DACH2: variants seen among roughly 807,000 people sequenced by gnomAD.
DACH2 encodes the protein dachshund family transcription factor 2, also known as dachshund homolog 2.
In DACH2, 17 loss-of-function variants were observed where a neutral mutation model predicts 35.8. The observed-to-expected ratio is 0.48, with a 90% CI of 0.33 to 0.71. The LOEUF (loss-of-function observed/expected upper bound fraction) is 0.71, where lower values mean the gene tolerates loss of function less well. Ranked by LOEUF, DACH2 falls within the 30% of genes least tolerant of loss-of-function variation. The pLI is 0.02. For missense variants in DACH2, 469 were observed against 472.7 expected, an observed-to-expected ratio of 0.99 and a Z score of 0.07; for synonymous variants, 195 against 177.3, an observed-to-expected ratio of 1.10 and a Z score of -0.79.
intron 3 of DACH2, among the ~76,000 whole-genome samples, chrX:86,553,540 T>A (rs2039078183): frequency 8.9e-6 from 1 of 111,826 alleles, no homozygotes; most frequent in African/African-American, 3.3e-5. Flanking sequence ...CAAGTTCACC[T>A]CTTGTCAACT....
chrX:86,543,983 A>G (rs1042618719), intron 3 of DACH2, among the ~76,000 whole-genome samples: 1 of 109,657 alleles, frequency 9.1e-6, no homozygotes, highest in Non-Finnish European at 1.9e-5. Context: ...CTTAAAGTAT[A>G]ATAATAATAA....
intron 2 of DACH2, among the ~76,000 whole-genome samples, chrX:86,388,638 T>TA (rs2036156086): frequency 8.9e-6 from 1 of 111,938 alleles, no homozygotes; most frequent in Non-Finnish European, 1.9e-5. Context: ...ACTGCAAAAA[T>TA]ATTTCAATCA....
At chrX:86,681,454 C>T (rs1448440812) in intron 4 of DACH2, among the ~76,000 whole-genome samples, 1 of 109,176 alleles carries the variant, frequency 9.2e-6, no homozygotes, top group Non-Finnish European at 1.9e-5. Flanking sequence ...GTGTTGCGCA[C>T]CTGTATTGCT....
chrX:86,729,198 C>A (rs1436648536), intron 6 of DACH2, among the ~76,000 whole-genome samples: 1 of 112,025 alleles, frequency 8.9e-6, no homozygotes, highest in Non-Finnish European at 1.9e-5. Context: ...GAGTTAAGGG[C>A]ACTTGGGACA....
chrX:86,261,680 G>A (rs142037409), intron 1 of DACH2, among the ~76,000 whole-genome samples: 133 of 111,040 alleles, frequency 1.2e-3, no homozygotes, highest in African/African-American at 4.3e-3. Context: ...TTCATTCTGG[G>A]GCCCATACTT....
chrX:86,495,044 AT>A (rs772478992), intron 2 of DACH2, among the ~76,000 whole-genome samples: 12 of 110,072 alleles, frequency 1.1e-4, no homozygotes, highest in African/African-American at 3.6e-4. Context: ...TTATTAATTA[AT>A]TTATTTATTT....
At chrX:86,643,092 G>C (rs976723143) in intron 3 of DACH2, among the ~76,000 whole-genome samples, 2 of 102,953 alleles carry the variant, frequency 1.9e-5, no homozygotes, top group African/African-American at 7.1e-5. Flanking sequence ...CAAAAGATGA[G>C]AAATAACAAA....
intron 2 of DACH2, among the ~76,000 whole-genome samples, chrX:86,512,599 A>G (rs901965612): frequency 1.8e-5 from 2 of 112,118 alleles, no homozygotes; most frequent in African/African-American, 6.5e-5. Context: ...TTTACAGCGG[A>G]CAAATACAAA....
chrX:86,723,719 C>G, intron 6 of DACH2, among the ~76,000 whole-genome samples: 1 of 111,611 alleles, frequency 9.0e-6, no homozygotes, highest in Middle Eastern at 4.6e-3. Flanking sequence ...AGTATGTGGT[C>G]TATCTTGGAG....
At chrX:86,397,668 G>T (rs1222081618) in intron 2 of DACH2, among the ~76,000 whole-genome samples, 1 of 111,744 alleles carries the variant, frequency 8.9e-6, no homozygotes, top group South Asian at 3.7e-4. Flanking sequence ...TTTGTCTTTG[G>T]TTCTGTTTAT....
At chrX:86,444,167 T>C (rs2037219184) in intron 2 of DACH2, among the ~76,000 whole-genome samples, 1 of 112,032 alleles carries the variant, frequency 8.9e-6, no homozygotes, top group Non-Finnish European at 1.9e-5. Flanking sequence ...CATGGTTCAC[T>C]GTAGCCTTGA....
chrX:86,205,462 C>CTCCCTCCT (rs752447824), intron 1 of DACH2, among the ~76,000 whole-genome samples: 3 of 46,841 alleles, frequency 6.4e-5, no homozygotes, highest in Admixed American at 2.2e-4. Context: ...CCCTCCCTCC[C>CTCCCTCCT]TCCCTCCTTC....
chrX:86,599,784 C>T (rs62593333), intron 3 of DACH2, among the ~76,000 whole-genome samples: 6,823 of 110,480 alleles, frequency 0.062, 175 homozygotes, highest in East Asian at 0.14. Flanking sequence ...ACATGAGCCA[C>T]CATGCCCAGC....
At chrX:86,379,394 C>T (rs2036013821) in intron 2 of DACH2, among the ~76,000 whole-genome samples, 1 of 110,265 alleles carries the variant, frequency 9.1e-6, no homozygotes, top group Admixed American at 9.8e-5. Flanking sequence ...CATAATCCCA[C>T]TGTGCTACAA....
intron 2 of DACH2, among the ~76,000 whole-genome samples, chrX:86,502,195 A>T (rs1307685407): frequency 1.8e-5 from 2 of 111,697 alleles, no homozygotes; most frequent in Non-Finnish European, 3.8e-5. Flanking sequence ...AATGGTTTAC[A>T]ACAGGTAGAG....
intron 1 of DACH2, among the ~76,000 whole-genome samples, chrX:86,155,863 T>A (rs1310701549): frequency 1.8e-5 from 2 of 110,995 alleles, no homozygotes; most frequent in Non-Finnish European, 3.8e-5. Context: ...TCAGGAAAAA[T>A]TGTATCTCCA....
intron 1 of DACH2, among the ~76,000 whole-genome samples, chrX:86,153,673 T>C (rs367920402): frequency 2.1e-4 from 23 of 111,831 alleles, no homozygotes; most frequent in Middle Eastern, 9.2e-3. Context: ...ATAGTCATAT[T>C]GTCTGTTAAA....
At chrX:86,702,377 C>G (rs1396041750) in intron 5 of DACH2, among the ~76,000 whole-genome samples, 1 of 110,987 alleles carries the variant, frequency 9.0e-6, no homozygotes, top group East Asian at 2.8e-4. Flanking sequence ...ACTAGAGCAA[C>G]TAGCCCAAAC....
intron 5 of DACH2, among the ~76,000 whole-genome samples, chrX:86,704,941 T>C (rs1241730686): frequency 9.5e-6 from 1 of 105,189 alleles, no homozygotes; most frequent in Non-Finnish European, 1.9e-5. Context: ...AAAAGATAAA[T>C]GCACATTTAT....
Sources: allele counts gnomAD v4.1 joint callset (sites outside exome capture counted in the v4.1 genomes callset), GRCh38; gene constraint gnomAD v4.1.1; transcripts MANE v1.5; gene names NCBI Gene and HGNC (gene_info 2026-07-23, HGNC 2026-07-21).